Variants in OSBPL3 observed in about 807,000 individuals in gnomAD.
OSBPL3 encodes the protein oxysterol binding protein like 3, also known as oxysterol-binding protein-related protein 3.
A neutral mutation model predicts 120.1 loss-of-function variants in OSBPL3; 65 were observed. That is an observed-to-expected ratio of 0.54 (90% confidence interval 0.44 to 0.67). The LOEUF is 0.67. Ranked by LOEUF, OSBPL3 falls within the 30% of genes least tolerant of loss-of-function variation. OSBPL3 has a pLI of 0.00. For synonymous variants in OSBPL3, 416 were observed against 402.6 expected, an observed-to-expected ratio of 1.03 and a Z score of -0.40; for missense variants, 1,004 against 1,082.1, an observed-to-expected ratio of 0.93 and a Z score of 1.01.
In OSBPL3 at chr7:24,799,404, T is replaced by C. The variant is rs940830704; in HGVS notation, c.*779A>G. 1 of 152,174 alleles carries C rather than the reference T, an allele frequency of 6.6e-6. No homozygotes were observed. Among genetic ancestry groups the C allele is most frequent in the Non-Finnish European group, 1.5e-5 (1 of 68,030 alleles). The allele number at this position is 152,174 out of a possible 1,614,324, so 9.4% of individuals were successfully genotyped here. A position where few individuals can be genotyped will look rare whatever the true frequency, so the allele number is the denominator to read the frequency against. Reference sequence around the variant, plus strand: ...TCTCTTAACTTCTCAAGGACTCAGCTCTCACTAAGGAGAAATTTCCTACTG... The same window carrying C: ...TCTCTTAACTTCTCAAGGACTCAGCCCTCACTAAGGAGAAATTTCCTACTG... On this transcript the variant is annotated 3_prime_UTR_variant, in exon 23 of 23. Transcript: ENST00000313367. The surrounding 1 kb of genome is among the most constrained non-coding windows in gnomAD (Gnocchi z 5.3).
intron 1 of OSBPL3, among the ~76,000 whole-genome samples, chr7:24,969,803 G>A (rs1351665967): frequency 2.0e-5 from 3 of 152,030 alleles, no homozygotes; most frequent in Non-Finnish European, 2.9e-5. Context: ...ATCACTTTGT[G>A]CCTATACTCC....
At chr7:24,841,309 T>TATTTA (rs1797709564) in intron 13 of OSBPL3, among the ~76,000 whole-genome samples, 1 of 150,756 alleles carries the variant, frequency 6.6e-6, no homozygotes, top group South Asian at 2.1e-4. Flanking sequence ...ATCATAAAAA[T>TATTTA]ATAATTATAT....
chr7:24,908,409 T>A (rs923567563), intron 1 of OSBPL3, among the ~76,000 whole-genome samples: 8 of 152,178 alleles, frequency 5.3e-5, no homozygotes, highest in African/African-American at 9.7e-5. Flanking sequence ...AAAGTTTCAG[T>A]TTCTGAGAAG....
rs528087967 is a variant in OSBPL3 at position 24,912,572 on chromosome 7, C to A, written c.-149-19951G>T. 6.6e-6 allele frequency among the ~76,000 whole-genome samples: 1 copy of A among 152,254 alleles called. No individual in the cohort carries two copies. Among genetic ancestry groups the A allele is most frequent in the African/African-American group, 2.4e-5 (1 of 41,534 alleles). Reference sequence around the variant, plus strand: ...ATCCTCACACCCAAAGACAGAACAGCCCCAGCACAGAACAATGACAATCAT... The same window carrying A: ...ATCCTCACACCCAAAGACAGAACAGACCCAGCACAGAACAATGACAATCAT... On this transcript the variant is annotated intron_variant, in intron 1 of 22. Transcript: ENST00000313367. This position sits in a 1 kb window ranked among gnomAD's most constrained non-coding sequence, Gnocchi z 4.5.
rs556017301 is a variant in OSBPL3 at position 24,940,839 on chromosome 7, T to C, written c.-150+39047A>G. 1.3e-5 allele frequency among the ~76,000 whole-genome samples: 2 copies of C among 151,060 alleles called. No individual in the cohort carries two copies. The highest frequency in any genetic ancestry group is 3.0e-5 in the Non-Finnish European group (2 of 67,770). ...TTTTCTTTTTTTTTTTGTGTGTGTG[T>C]GACGGAGTCTCGCTCTGTCGCCCAG... On this transcript the variant is annotated intron_variant, in intron 1 of 22. Coordinates refer to ENST00000313367, the MANE Select transcript of OSBPL3 (RefSeq NM_015550.4). This position sits in a 1 kb window ranked among gnomAD's most constrained non-coding sequence, Gnocchi z 4.4.
At position 24,854,056 on chromosome 7, in the gene OSBPL3, A is replaced by AACACACAC. The variant is rs1198345827; in HGVS notation, c.1028-1423_1028-1422insGTGTGTGT. The stretch of plus-strand genomic sequence containing the variant: ...CTGAACTGAAGTTTTAAAAAACATT[A>AACACACAC]ACACATACAGCACACACACACACAC... On this transcript the variant is annotated intron_variant, in intron 10 of 22. Coordinates refer to ENST00000313367, the MANE Select transcript of OSBPL3 (RefSeq NM_015550.4). The surrounding 1 kb of genome is among the most constrained non-coding windows in gnomAD (Gnocchi z 4.1). Among the ~76,000 whole-genome samples the AACACACAC allele has an allele frequency of 6.6e-6, 1 of 152,182 alleles. No individual in the cohort carries two copies. Among genetic ancestry groups the AACACACAC allele is most frequent in the African/African-American group, 2.4e-5 (1 of 41,436 alleles).
rs74504171 is a variant in OSBPL3 at position 24,972,553 on chromosome 7, A to G, written c.-150+7333T>C. On this transcript the variant is annotated intron_variant, in intron 1 of 22. Transcript: ENST00000313367. This position sits in a 1 kb window ranked among gnomAD's most constrained non-coding sequence, Gnocchi z 4.3. ...TGAAGGGAGGTTCCACATCTGTTCAATTCATCGCCACATCCCCTGCACCCA... is the reference window on the plus strand; with the variant it reads ...TGAAGGGAGGTTCCACATCTGTTCAGTTCATCGCCACATCCCCTGCACCCA... Among the ~76,000 whole-genome samples, 160 of 152,310 alleles carry G rather than the reference A, an allele frequency of 1.1e-3. 1 individual carries two copies. In the East Asian group the frequency reaches 0.012, roughly 12 times the overall value.
intron 1 of OSBPL3, among the ~76,000 whole-genome samples, chr7:24,902,615 A>T (rs1807203756): frequency 6.7e-6 from 1 of 149,568 alleles, no homozygotes; most frequent in African/African-American, 2.4e-5. Context: ...GATATTCCAA[A>T]TTGCTATTCA....
rs114465883 is a variant in OSBPL3, at chr7:24,896,265, C to T, written c.-149-3644G>A. On this transcript the variant is annotated intron_variant, in intron 1 of 22. Transcript: ENST00000313367. The surrounding 1 kb of genome is among the most constrained non-coding windows in gnomAD (Gnocchi z 4.4). ...CTCTAAATCACAGAGGCCACCAAAA[C>T]CAACACGTGTCAAACACCAGATGCA... Among the ~76,000 whole-genome samples, 2,387 of 152,288 alleles carry T rather than the reference C, an allele frequency of 0.016. 66 individuals carry two copies. The highest frequency in any genetic ancestry group is 0.054 in the African/African-American group (2,230 of 41,538).
At chr7:24,895,298 G>C (rs1489563975) in intron 1 of OSBPL3, among the ~76,000 whole-genome samples, 1 of 152,168 alleles carries the variant, frequency 6.6e-6, no homozygotes. Context: ...TCTGTGTTTA[G>C]TTACACAAGT....
In OSBPL3 at chr7:24,866,072, T is replaced by C. The variant is rs749619391; in HGVS notation, c.547A>G (p.Lys183Glu). Residue 183 changes from lysine to glutamate, a missense_variant and splice_region_variant, in exon 6 of 23, where the codon AAG becomes GAG. This residue lies in a region of OSBPL3 where 255 missense variants were observed against 248.7 expected (regional missense o/e 1.03). Transcript: ENST00000313367. ...ATTATTGGCAAAACACTCATTACCT[T>C]CCTACTTGAAATGGAGTCAAACACC... The part of the protein sequence containing the change: ...SGVFDSISSR[K>E]RSSISKQNLF... 2 of 1,612,362 alleles carry C rather than the reference T, an allele frequency of 1.2e-6. No homozygotes were observed. Among genetic ancestry groups the C allele is most frequent in the South Asian group, 1.1e-5 (1 of 91,042 alleles).
intron 19 of OSBPL3, among the ~76,000 whole-genome samples, chr7:24,811,382 T>G (rs1482448517): frequency 6.6e-6 from 1 of 152,268 alleles, no homozygotes; most frequent in African/African-American, 2.4e-5. Context: ...GTTTTCTTGC[T>G]ATTGAACTCT....
chr7:24,856,472 G>A (rs1187942484), intron 10 of OSBPL3, among the ~76,000 whole-genome samples: 1 of 152,120 alleles, frequency 6.6e-6, no homozygotes, highest in Non-Finnish European at 1.5e-5. Flanking sequence ...CATCAGGAAA[G>A]AATAAGATCT....
At chr7:24,816,730 T>TA (rs1562768482) in intron 17 of OSBPL3, 42 bp from the exon 18 acceptor site, 9 of 1,282,062 alleles carry the variant, frequency 7.0e-6, no homozygotes, top group Non-Finnish European at 1.0e-5. Context: ...GCAGGAGAGG[T>TA]AGGTAGATGA....
intron 1 of OSBPL3, among the ~76,000 whole-genome samples, chr7:24,977,089 G>A (rs913966198): frequency 2.0e-5 from 3 of 152,224 alleles, no homozygotes; most frequent in African/African-American, 7.2e-5. Flanking sequence ...AGAGAACAGA[G>A]GAACTAGCTG....
At chr7:24,832,206 C>CAAAA (rs35738897) in intron 15 of OSBPL3, among the ~76,000 whole-genome samples, 3 of 95,644 alleles carry the variant, frequency 3.1e-5, no homozygotes, top group Admixed American at 1.3e-4. Context: ...GACCCTGTCT[C>CAAAA]AAAAAAAAAA....
In OSBPL3 at chr7:24,835,704, A is replaced by G. The variant is rs1281567672; in HGVS notation, c.1496-968T>C. ...GTAGACTAGATAAAGAAAATGTGGTACATATACACCATGGAATACTGTGCA... is the reference window on the plus strand; with the variant it reads ...GTAGACTAGATAAAGAAAATGTGGTGCATATACACCATGGAATACTGTGCA... On this transcript the variant is annotated intron_variant, in intron 14 of 22. Transcript: ENST00000313367. This position sits in a 1 kb window ranked among gnomAD's most constrained non-coding sequence, Gnocchi z 4.8. Among the ~76,000 whole-genome samples the G allele has an allele frequency of 1.3e-5, 2 of 152,242 alleles. No homozygotes were observed. The highest frequency in any genetic ancestry group is 2.4e-5 in the African/African-American group (1 of 41,458).
In OSBPL3 at chr7:24,946,088, C is replaced by A. The variant is rs1813694115; in HGVS notation, c.-150+33798G>T. Among the ~76,000 whole-genome samples the A allele has an allele frequency of 6.6e-6, 1 of 152,064 alleles. No individual in the cohort carries two copies. The highest frequency in any genetic ancestry group is 6.5e-5 in the Admixed American group (1 of 15,280). The stretch of plus-strand genomic sequence containing the variant: ...TCTGAAGGCTCAGCTGGGTAGGTGT[C>A]CTAGGTGGCTCCCTCCCAAGGCTGG... On this transcript the variant is annotated intron_variant, in intron 1 of 22. Transcript: ENST00000313367. The surrounding 1 kb of genome is among the most constrained non-coding windows in gnomAD (Gnocchi z 4.3).
chr7:24,926,367 C>T (rs1299683991), intron 1 of OSBPL3, among the ~76,000 whole-genome samples: 1 of 152,200 alleles, frequency 6.6e-6, no homozygotes, highest in Non-Finnish European at 1.5e-5. Flanking sequence ...TCAGGACATG[C>T]TCTACCTGAG....
Sources: gnomAD v4.1 joint callset for allele counts (sites outside exome capture counted in the v4.1 genomes callset) on GRCh38, gnomAD v4.1.1 for gene constraint, gnomAD v4.1.1 regional missense constraint, Gnocchi (gnomAD v3.1) non-coding constraint, MANE v1.5 for transcripts, NCBI Gene and HGNC (gene_info 2026-07-23, HGNC 2026-07-21) for gene names.